Variants in PIWIL1 observed in about 807,000 individuals in gnomAD.
PIWIL1 encodes piwi-like protein 1.
PIWIL1 carries 73 observed loss-of-function variants against 114.4 expected under a neutral mutation model. The observed-to-expected ratio is 0.64, with a 90% CI of 0.53 to 0.78. The LOEUF is 0.78. Ranked by LOEUF, PIWIL1 falls within the 30% of genes least tolerant of loss-of-function variation. The pLI is 0.00. For synonymous variants in PIWIL1, 375 were observed against 369.0 expected (o/e 1.02, Z -0.19); for missense variants, 723 against 1,063.1 (o/e 0.68, Z 4.45).
At chr12:130,398,863 C>T in the PIWIL1 span, 2 of 237,364 alleles carry the variant, frequency 8.4e-6, no homozygotes, top group East Asian at 1.6e-4. Flanking sequence ...CCAATGTTGG[C>T]CTTTCAAATA....
the PIWIL1 span, among the ~76,000 whole-genome samples, chr12:130,391,688 C>T: frequency 6.6e-6 from 1 of 152,182 alleles, no homozygotes; most frequent in Non-Finnish European, 1.5e-5. Flanking sequence ...TGGAGGCAGA[C>T]ACCAGCTGTG....
chr12:130,409,257 A>C, the PIWIL1 span, among the ~76,000 whole-genome samples: 1 of 148,504 alleles, frequency 6.7e-6, no homozygotes, highest in Admixed American at 6.7e-5. Flanking sequence ...AGCCCAGATG[A>C]CCACAGATCT....
At chr12:130,399,058 C>G in the PIWIL1 span, 1 of 859,004 alleles carries the variant, frequency 1.2e-6, no homozygotes, top group South Asian at 3.9e-5. Context: ...ACCACACTGG[C>G]CCGGTTAAGG....
rs752917743 is a variant in PIWIL1 at position 130,354,938 on chromosome 12, G to A, written c.1222G>A (p.Val408Ile). The A allele has an allele frequency of 1.5e-5, 24 of 1,613,664 alleles. No homozygotes were observed. Among genetic ancestry groups the A allele is most frequent in the African/African-American group, 8.0e-5 (6 of 74,898 alleles). Residue 408 changes from valine to isoleucine, a missense_variant, in exon 11 of 21, where the codon GTT (valine) becomes ATT (isoleucine). By Grantham distance (29) the Val-to-Ile change is conservative. Transcript: ENST00000245255. Reference protein sequence around the residue: ...NDFNVMKDLAVHTRLTPEQRQ... With the variant: ...NDFNVMKDLAIHTRLTPEQRQ... Reference sequence around the variant, plus strand: ...TTTTAACGTGATGAAAGACTTAGCCGTTCATACAAGACTAACTCCAGAGCA... The same window carrying A: ...TTTTAACGTGATGAAAGACTTAGCCATTCATACAAGACTAACTCCAGAGCA...
At chr12:130,417,575 A>C in the PIWIL1 span, among the ~76,000 whole-genome samples, 1 of 152,138 alleles carries the variant, frequency 6.6e-6, no homozygotes. Flanking sequence ...GGAACACTAG[A>C]TGGTGAAGGA....
chr12:130,420,558 T>C, the PIWIL1 span, among the ~76,000 whole-genome samples: 1 of 152,148 alleles, frequency 6.6e-6, no homozygotes, highest in Non-Finnish European at 1.5e-5. This position sits in a 1 kb window ranked among gnomAD's most constrained non-coding sequence, Gnocchi z 4.3. Context: ...ATGATACTAA[T>C]AAAACTTTAA....
intron 9 of PIWIL1, among the ~76,000 whole-genome samples, chr12:130,350,677 C>A (rs890787280): frequency 6.6e-6 from 1 of 152,134 alleles, no homozygotes; most frequent in Non-Finnish European, 1.5e-5. Context: ...ATGTTAAAAG[C>A]GCAGGAAGAT....
At chr12:130,367,769 T>C (rs750532977) in intron 19 of PIWIL1, among the ~76,000 whole-genome samples, 2 of 152,152 alleles carry the variant, frequency 1.3e-5, no homozygotes, top group Non-Finnish European at 2.9e-5. Context: ...ATGGCCTTAG[T>C]AGCACGGGAG....
At chr12:130,368,970 C>G (rs1285613537) in intron 19 of PIWIL1, among the ~76,000 whole-genome samples, 1 of 151,788 alleles carries the variant, frequency 6.6e-6, no homozygotes, top group East Asian at 1.9e-4. Flanking sequence ...GTTTACTGCA[C>G]TTATCAACCC....
At chr12:130,412,693 G>A in the PIWIL1 span, 3 of 1,613,558 alleles carry the variant, frequency 1.9e-6, no homozygotes, top group African/African-American at 4.0e-5. Flanking sequence ...CTCATCATCT[G>A]CTTGTATCTC....
the PIWIL1 span, among the ~76,000 whole-genome samples, chr12:130,420,408 G>A: frequency 6.6e-6 from 1 of 152,176 alleles, no homozygotes; most frequent in Non-Finnish European, 1.5e-5. The surrounding 1 kb of genome is among the most constrained non-coding windows in gnomAD (Gnocchi z 4.3). Context: ...TTGTTAAGGT[G>A]TTGACATAGA....
At chr12:130,388,178 A>G in the PIWIL1 span, among the ~76,000 whole-genome samples, 3 of 152,132 alleles carry the variant, frequency 2.0e-5, no homozygotes, top group Admixed American at 2.0e-4. Context: ...CAATGGCACA[A>G]TCATAGTTTG....
Position 130,349,348 on chromosome 12 carries a change from T to C in PIWIL1, c.844T>C (p.Phe282Leu), listed in dbSNP as rs959293255. The change falls in exon 8 of 21, where the codon TTC (phenylalanine) becomes CTC (leucine). Residue 282 changes from phenylalanine to leucine, a missense_variant. Phe to Leu is a conservative substitution (Grantham distance 22, BLOSUM62 0). Transcript: ENST00000245255. ...CCTTCGAAGTGAGACTGTTTTGGAT[T>C]TCATGTTCAACTTTTATCATCAGAC... ...KVLRSETVLDFMFNFYHQTEE... is the reference protein window; with the variant it reads ...KVLRSETVLDLMFNFYHQTEE... 3 of 1,613,720 alleles carry C rather than the reference T, an allele frequency of 1.9e-6. No homozygotes were observed. Among genetic ancestry groups the C allele is most frequent in the Non-Finnish European group, 2.5e-6 (3 of 1,179,732 alleles).
At chr12:130,411,715 G>A in the PIWIL1 span, among the ~76,000 whole-genome samples, 2 of 152,076 alleles carry the variant, frequency 1.3e-5, no homozygotes, top group Non-Finnish European at 2.9e-5. Flanking sequence ...GGGGATAAAG[G>A]GCTCAAAGAT....
the PIWIL1 span, among the ~76,000 whole-genome samples, chr12:130,417,863 A>AC: frequency 1.2e-4 from 17 of 139,132 alleles, no homozygotes; most frequent in African/African-American, 4.7e-4. Context: ...TGGAGAGAGA[A>AC]TGGGAGGGGA....
the PIWIL1 span, among the ~76,000 whole-genome samples, chr12:130,391,955 G>C: frequency 1.6e-5 from 1 of 64,152 alleles, no homozygotes; most frequent in East Asian, 3.4e-4. Flanking sequence ...CTGTCATCAC[G>C]TGTGTCCATC....
chr12:130,409,474 C>G, the PIWIL1 span, among the ~76,000 whole-genome samples: 1 of 151,046 alleles, frequency 6.6e-6, no homozygotes, highest in Admixed American at 6.6e-5. Context: ...TCCTGAGTAG[C>G]TGGGACTGCA....
the PIWIL1 span, among the ~76,000 whole-genome samples, chr12:130,415,047 A>C: frequency 6.6e-6 from 1 of 152,222 alleles, no homozygotes; most frequent in Non-Finnish European, 1.5e-5. Flanking sequence ...ACCCTAACTC[A>C]TTCTATGAAG....
Position 130,370,677 on chromosome 12 carries a change from C to T in PIWIL1, c.2322-499C>T, listed in dbSNP as rs193092670. 3.3e-5 allele frequency among the ~76,000 whole-genome samples: 5 copies of T among 152,206 alleles called. No individual in the cohort carries two copies. In the East Asian group the frequency reaches 5.8e-4, roughly 18 times the overall value. Reference sequence around the variant, plus strand: ...TCCACTTAAAGATTTGCATTAAATTCCTGGGGATTAAAATGAATTCTACTT... The same window carrying T: ...TCCACTTAAAGATTTGCATTAAATTTCTGGGGATTAAAATGAATTCTACTT... On this transcript the variant is annotated intron_variant, in intron 19 of 20. Coordinates refer to ENST00000245255, the MANE Select transcript of PIWIL1 (RefSeq NM_004764.5).
Sources: gnomAD v4.1 joint callset for allele counts (sites outside exome capture counted in the v4.1 genomes callset) on GRCh38, gnomAD v4.1.1 for gene constraint, Gnocchi (gnomAD v3.1) non-coding constraint, MANE v1.5 for transcripts, NCBI Gene and HGNC (gene_info 2026-07-23, HGNC 2026-07-21) for gene names.